The following STMN1 variants were observed in gnomAD, a reference collection of about 807,000 sequenced individuals.
STMN1 encodes stathmin.
STMN1 carries 3 observed loss-of-function variants against 19.7 expected under a neutral mutation model. That is an observed-to-expected ratio of 0.15 (90% CI 0.07 to 0.39). The LOEUF (loss-of-function observed/expected upper bound fraction) is 0.39. Ranked by LOEUF, STMN1 falls within the 10% of genes least tolerant of loss-of-function variation. The probability of loss-of-function intolerance (pLI) is 1.00; values close to 1 mark genes in which losing one functional copy is unlikely to be tolerated. For synonymous variants in STMN1, 59 were observed against 58.9 expected (o/e 1.00, Z -0.01); for missense variants, 99 against 176.0 (o/e 0.56, Z 2.48).
At chr1:25,892,380 C>CTTTTT (rs35541438) in intron 4 of STMN1, 2 of 173,670 alleles carry the variant, frequency 1.2e-5, no homozygotes, top group East Asian at 2.4e-4. Flanking sequence ...CAGAGCAAGA[C>CTTTTT]TTTTTTTTTT....
chr1:25,895,129 G>T (rs2048807614), downstream of STMN1, among the ~76,000 whole-genome samples: 1 of 133,146 alleles, frequency 7.5e-6, no homozygotes, highest in African/African-American at 2.8e-5. Flanking sequence ...TTGAGACACA[G>T]TATCGCTCTG....
At position 25,885,729 on chromosome 1, in the gene STMN1, A is replaced by C. The variant is rs188562570; in HGVS notation, c.519T>G (p.His173Gln). Residue 173 changes from histidine to glutamine, a missense_variant, in exon 5 of 5, where the codon CAT becomes CAG. His to Gln is a conservative substitution (Grantham distance 24, BLOSUM62 0). Coordinates refer to the STMN1 transcript ENST00000426559. ...GCAAATATTTATTAAGTACCTAGTG[A>C]TGGTGAGAGAGATCAGACCAGGTAA... 792 of 1,550,552 alleles carry C rather than the reference A, an allele frequency of 5.1e-4. 5 individuals carry two copies. The highest frequency in any genetic ancestry group is 4.8e-3 in the South Asian group (399 of 83,790).
chr1:25,888,134 A>G (rs1034029287), intron 4 of STMN1, among the ~76,000 whole-genome samples: 1 of 152,164 alleles, frequency 6.6e-6, no homozygotes, highest in Admixed American at 6.5e-5. Flanking sequence ...TAACCTTCCT[A>G]TAACATGGGG....
rs539643352 is a variant in STMN1, at chr1:25,886,814, T to C, written c.379-945A>G. On this transcript the variant is annotated intron_variant, in intron 4 of 4. Coordinates refer to the STMN1 transcript ENST00000426559. Reference sequence around the variant, plus strand: ...CCATGGACAGGATCGTTTCGATCTCTTGAACTCGTGATCTGCCTGCCTCGG... The same window carrying C: ...CCATGGACAGGATCGTTTCGATCTCCTGAACTCGTGATCTGCCTGCCTCGG... Among the ~76,000 whole-genome samples the C allele has an allele frequency of 1.3e-4, 20 of 152,128 alleles. No individual in the cohort carries two copies. In the South Asian group the frequency reaches 3.1e-3, roughly 24 times the overall value.
downstream of STMN1, chr1:25,884,326 GAGA>G (rs1468963028): frequency 6.6e-6 from 1 of 152,070 alleles, no homozygotes; most frequent in Non-Finnish European, 1.5e-5. Context: ...TTGGAACTGA[GAGA>G]AGAACTCAGG....
At chr1:25,893,537 G>A (rs1318777337) in intron 4 of STMN1, among the ~76,000 whole-genome samples, 2 of 152,094 alleles carry the variant, frequency 1.3e-5, no homozygotes, top group African/African-American at 4.8e-5. Context: ...TTGATGTACA[G>A]TGGTTTTTAT....
chr1:25,892,939 G>A (rs138729639), intron 4 of STMN1, among the ~76,000 whole-genome samples: 1,621 of 152,238 alleles, frequency 0.011, 14 homozygotes, highest in Non-Finnish European at 0.017. Flanking sequence ...TTAGGCCAGC[G>A]CTTCTCAAGC....
downstream of STMN1, among the ~76,000 whole-genome samples, chr1:25,899,671 A>G (rs1054887654): frequency 6.6e-6 from 1 of 152,170 alleles, no homozygotes; most frequent in Non-Finnish European, 1.5e-5. Flanking sequence ...GGAATGCTAA[A>G]TATCTATGTT....
At chr1:25,903,536 A>C in intron 3 of STMN1, 105 bp downstream of exon 3, 10 of 1,445,340 alleles carry the variant, frequency 6.9e-6, no homozygotes, top group Non-Finnish European at 9.5e-6. Context: ...CATATGTAAT[A>C]ATCACAGTGT....
chr1:25,897,094 C>A (rs2048823921), downstream of STMN1, among the ~76,000 whole-genome samples: 1 of 152,160 alleles, frequency 6.6e-6, no homozygotes, highest in Admixed American at 6.5e-5. Flanking sequence ...GCAGGCAGAT[C>A]ATGAGGTCAA....
intron 4 of STMN1, 30 bp from the exon 5 acceptor site, chr1:25,901,117 C>CAAA (rs58316569): frequency 3.3e-4 from 396 of 1,204,586 alleles, no homozygotes; most frequent in South Asian, 1.5e-3. Context: ...TGTCATCAGT[C>CAAA]AAAAAAAAAA....
intron 3 of STMN1, chr1:25,903,372 G>C (rs1286021010): frequency 2.8e-6 from 1 of 357,920 alleles, no homozygotes; most frequent in Admixed American, 4.6e-5. Flanking sequence ...CTAGTTGTAT[G>C]ACTGCAGAAA....
At chr1:25,899,384 G>C (rs1163957601), downstream of STMN1, among the ~76,000 whole-genome samples, 1 of 152,188 alleles carries the variant, frequency 6.6e-6, no homozygotes, top group Non-Finnish European at 1.5e-5. Flanking sequence ...AAGATGAACT[G>C]TGCTGCACCA....
At chr1:25,894,324 T>C (rs968471841) in intron 4 of STMN1, among the ~76,000 whole-genome samples, 10 of 151,886 alleles carry the variant, frequency 6.6e-5, no homozygotes, top group Non-Finnish European at 1.5e-4. Flanking sequence ...ATGGCAATGG[T>C]GTTTAGATGT....
intron 4 of STMN1, among the ~76,000 whole-genome samples, chr1:25,893,920 G>A (rs541237791): frequency 6.6e-6 from 1 of 152,326 alleles, no homozygotes; most frequent in Admixed American, 6.5e-5. Context: ...GAGTCATGGG[G>A]TGGGGTAGCC....
At chr1:25,901,342 T>C in intron 4 of STMN1, 149 bp downstream of exon 4, 1 of 1,164,014 alleles carries the variant, frequency 8.6e-7, no homozygotes, top group South Asian at 1.6e-5. Flanking sequence ...GAATATTCCA[T>C]CTTAAAATAT....
At chr1:25,904,276 A>G (rs536860126) in intron 2 of STMN1, among the ~76,000 whole-genome samples, 3 of 152,234 alleles carry the variant, frequency 2.0e-5, no homozygotes, top group African/African-American at 7.2e-5. Context: ...GCAATGAGCT[A>G]TAATTAAGCC....
intron 4 of STMN1, among the ~76,000 whole-genome samples, chr1:25,894,720 T>C (rs2048804158): frequency 6.6e-6 from 1 of 152,178 alleles, no homozygotes; most frequent in Admixed American, 6.5e-5. Context: ...TTTTATTTTT[T>C]TATTTACTTT....
chr1:25,904,768 ACTTT>A (rs1376389745), intron 1 of STMN1, 30 bp from the exon 2 acceptor site: 36 of 1,574,262 alleles, frequency 2.3e-5, no homozygotes, highest in Non-Finnish European at 3.0e-5. Context: ...ACATGCAATC[ACTTT>A]CTTTGCCTTT....
Sources: gnomAD v4.1 joint callset for allele counts (sites outside exome capture counted in the v4.1 genomes callset) on GRCh38, gnomAD v4.1.1 for gene constraint, MANE v1.5 for transcripts, NCBI Gene and HGNC (gene_info 2026-07-23, HGNC 2026-07-21) for gene names.